The following MAPRE1 variants were observed in gnomAD, a reference collection of about 807,000 sequenced individuals.
The protein encoded by MAPRE1 is microtubule-associated protein RP/EB family member 1.
A neutral mutation model predicts 32.1 loss-of-function variants in MAPRE1; 5 were observed. The observed-to-expected ratio is 0.16, with a 90% confidence interval of 0.08 to 0.33. MAPRE1 has a LOEUF of 0.33. MAPRE1 is among the 10% of genes least tolerant of loss of function. The pLI, the probability that MAPRE1 is intolerant of heterozygous loss-of-function variation, is 1.00. For synonymous variants in MAPRE1, 122 were observed against 118.9 expected, an observed-to-expected ratio of 1.03 and a Z score of -0.17; for missense variants, 209 against 327.2, an observed-to-expected ratio of 0.64 and a Z score of 2.79.
intron 5 of MAPRE1, among the ~76,000 whole-genome samples, chr20:32,841,418 C>A (rs540067596): frequency 2.0e-5 from 3 of 150,088 alleles, no homozygotes; most frequent in Non-Finnish European, 4.4e-5. Flanking sequence ...AGAGAGCGTG[C>A]CAGGTTCTGC....
chr20:32,847,461 G>A (rs1983535370), intron 6 of MAPRE1, among the ~76,000 whole-genome samples: 1 of 152,220 alleles, frequency 6.6e-6, no homozygotes. Context: ...ACTTCTGGTA[G>A]TATGTGTAGC....
rs1394958614 is a variant in MAPRE1, at chr20:32,827,252, A to G, written c.121+1204A>G. On this transcript the variant is annotated intron_variant, in intron 2 of 6. Transcript: ENST00000375571. ...GAAACCCCGTCTCTACTAAAAGTAC[A>G]AAAAAATTAGCCGGGGGTGGTGGCA... Among the ~76,000 whole-genome samples the G allele has an allele frequency of 2.0e-5, 3 of 151,914 alleles. No individual in the cohort carries two copies. In the East Asian group the frequency reaches 5.8e-4, roughly 30 times the overall value.
chr20:32,833,050 A>G lies in MAPRE1; in HGVS notation c.122-667A>G, dbSNP rs116313315. On this transcript the variant is annotated intron_variant, in intron 2 of 6. Transcript: ENST00000375571. ...CTGGGTGCTCTACAAAAAGAATAAA[A>G]AACTAGTTGGGCGTTGGTGGCACGT... is the stretch of plus-strand genomic sequence containing the variant. 9.9e-3 allele frequency among the ~76,000 whole-genome samples: 1,513 copies of G among 152,136 alleles called. 27 individuals are homozygous for G. Among genetic ancestry groups the G allele is most frequent in the African/African-American group, 0.035 (1,460 of 41,488 alleles).
At chr20:32,836,924 C>T in intron 4 of MAPRE1, 83 bp downstream of exon 4, 1 of 1,214,292 alleles carries the variant, frequency 8.2e-7, no homozygotes. Context: ...TTTTCAGTAG[C>T]CATAGGCTTA....
chr20:32,836,260 C>T (rs1430065778), intron 3 of MAPRE1, among the ~76,000 whole-genome samples: 1 of 152,246 alleles, frequency 6.6e-6, no homozygotes, highest in Non-Finnish European at 1.5e-5. Context: ...CAGTGGATTT[C>T]ATGCTTTGTG....
At chr20:32,848,258 G>A (rs551148304) in intron 6 of MAPRE1, among the ~76,000 whole-genome samples, 292 of 151,848 alleles carry the variant, frequency 1.9e-3, no homozygotes, top group African/African-American at 6.6e-3. Context: ...TACCCAGGCT[G>A]GTCTTGAACT....
chr20:32,838,961 AT>A (rs1304661054), intron 4 of MAPRE1, among the ~76,000 whole-genome samples: 7 of 152,186 alleles, frequency 4.6e-5, no homozygotes, highest in African/African-American at 7.2e-5. Flanking sequence ...CCCATTCTTG[AT>A]TAATTTTACT....
chr20:32,845,032 T>TATGTATGA (rs1220738256), intron 5 of MAPRE1, among the ~76,000 whole-genome samples: 10 of 105,892 alleles, frequency 9.4e-5, no homozygotes, highest in East Asian at 7.4e-4. Context: ...TGTATGTATG[T>TATGTATGA]ATGAATGAAT....
At chr20:32,831,412 T>C (rs1438605197) in intron 2 of MAPRE1, among the ~76,000 whole-genome samples, 6 of 152,176 alleles carry the variant, frequency 3.9e-5, no homozygotes, top group South Asian at 2.1e-4. Flanking sequence ...TTCTTTCTTT[T>C]TTTTTTATTC....
Position 32,836,834 on chromosome 20 carries a change from C to T in MAPRE1, c.468C>T (p.Ser156=). ...AACCGAAGAAACCTCTCACTTCTAG[C>T]AGTGCAGGTAAAAAAACAACCCCAA... ...LNKPKKPLTS[S]SAAPQRPIST... Residue 156 remains serine, a synonymous_variant, in exon 4 of 7, where the codon AGC becomes AGT. Coordinates refer to ENST00000375571, the MANE Select transcript of MAPRE1 (RefSeq NM_012325.3). 1 of 1,599,522 alleles carries T rather than the reference C, an allele frequency of 6.3e-7. No homozygotes were observed. The highest frequency in any genetic ancestry group is 1.1e-5 in the South Asian group (1 of 87,848).
At position 32,836,856 on chromosome 20, in the gene MAPRE1, C is replaced by T; in HGVS notation, c.475+15C>T. ...TAGCAGTGCAGGTAAAAAAACAACC[C>T]CAAAACGTTTCCAAAAAATAGCGTT... On this transcript the variant is annotated intron_variant, in intron 4 of 6. Coordinates refer to ENST00000375571, the MANE Select transcript of MAPRE1 (RefSeq NM_012325.3). The T allele has an allele frequency of 6.3e-7, 1 of 1,574,962 alleles. No homozygotes were observed. The highest frequency in any genetic ancestry group is 2.1e-5 in the Admixed American group (1 of 47,898).
chr20:32,832,468 T>C (rs1203249640), intron 2 of MAPRE1, among the ~76,000 whole-genome samples: 21 of 70,428 alleles, frequency 3.0e-4, no homozygotes, highest in Non-Finnish European at 6.4e-4. Flanking sequence ...AGTAGTCTCT[T>C]TTTTTTTTTT....
In MAPRE1 at chr20:32,834,260, C is replaced by T. The variant is rs558355208; in HGVS notation, c.267+398C>T. Among the ~76,000 whole-genome samples the T allele has an allele frequency of 2.6e-5, 4 of 152,294 alleles. No individual in the cohort carries two copies. The East Asian group carries it at 7.7e-4, about 29-fold the overall frequency. On this transcript the variant is annotated intron_variant, in intron 3 of 6. Coordinates refer to ENST00000375571, the MANE Select transcript of MAPRE1 (RefSeq NM_012325.3). ...TCTAGGCCAGGCGTGGTGGCTCACA[C>T]CCGTAATCCCAGCACTTTGGAGGCT...
intron 5 of MAPRE1, among the ~76,000 whole-genome samples, chr20:32,846,251 C>T (rs1983502637): frequency 6.6e-6 from 1 of 152,168 alleles, no homozygotes; most frequent in Admixed American, 6.5e-5. Context: ...CTCATGCAAT[C>T]AGACCTGGAC....
At chr20:32,837,662 G>T (rs1470293525) in intron 4 of MAPRE1, among the ~76,000 whole-genome samples, 1 of 152,138 alleles carries the variant, frequency 6.6e-6, no homozygotes, top group Admixed American at 6.5e-5. Flanking sequence ...GCTTAATGGA[G>T]AGACAATTCG....
Position 32,836,820 on chromosome 20 carries a change from C to T in MAPRE1, c.454C>T (p.Pro152Ser), listed in dbSNP as rs1983215085. The change falls in exon 4 of 7, where the codon CCT (proline) becomes TCT (serine). Residue 152 changes from proline (P) to serine (S), a missense_variant. Around this residue, in one of 3 missense-constraint regions of MAPRE1, gnomAD observed 106 missense variants for 115.3 expected, o/e 0.92. Coordinates refer to ENST00000375571, the MANE Select transcript of MAPRE1 (RefSeq NM_012325.3). ...TCCAGCTCTGAATAAACCGAAGAAA[C>T]CTCTCACTTCTAGCAGTGCAGGTAA... ...VAPALNKPKKPLTSSSAAPQR... is the reference protein window; with the variant it reads ...VAPALNKPKKSLTSSSAAPQR... 1 of 1,610,418 alleles carries T rather than the reference C, an allele frequency of 6.2e-7. No homozygotes were observed. The highest frequency in any genetic ancestry group is 1.7e-5 in the Admixed American group (1 of 58,986).
At chr20:32,827,644 C>T (rs1337588110) in intron 2 of MAPRE1, among the ~76,000 whole-genome samples, 1 of 152,096 alleles carries the variant, frequency 6.6e-6, no homozygotes, top group Non-Finnish European at 1.5e-5. Context: ...TGCCTGTAAT[C>T]TCAGCACTTT....
chr20:32,827,429 G>A (rs559350753), intron 2 of MAPRE1, among the ~76,000 whole-genome samples: 1 of 152,038 alleles, frequency 6.6e-6, no homozygotes, highest in East Asian at 1.9e-4. Context: ...AAAATAAGTA[G>A]TGATTTAAAA....
intron 1 of MAPRE1, among the ~76,000 whole-genome samples, chr20:32,825,263 G>A (rs922085933): frequency 1.3e-5 from 2 of 152,024 alleles, no homozygotes; most frequent in Admixed American, 6.6e-5. Flanking sequence ...TAAACAGAAA[G>A]CATTCTCGTT....
Sources: gnomAD v4.1 joint callset for allele counts (sites outside exome capture counted in the v4.1 genomes callset) on GRCh38, gnomAD v4.1.1 for gene constraint, gnomAD v4.1.1 regional missense constraint, MANE v1.5 for transcripts, NCBI Gene and HGNC (gene_info 2026-07-23, HGNC 2026-07-21) for gene names.